SIRT3: variants seen among roughly 807,000 people sequenced by gnomAD.
SIRT3 encodes sirtuin 3.
A neutral mutation model predicts 33.5 loss-of-function variants in SIRT3; 26 were observed. That is an observed-to-expected ratio of 0.78 (90% CI 0.57 to 1.08). The LOEUF is 1.08. SIRT3 is among the 50% of genes least tolerant of loss of function. The probability of loss-of-function intolerance (pLI) is 0.00; values close to 1 mark genes in which losing one functional copy is unlikely to be tolerated. For synonymous variants in SIRT3, 237 were observed against 222.1 expected (o/e 1.07, Z -0.60); for missense variants, 585 against 530.1 (o/e 1.10, Z -1.02).
intron 5 of SIRT3, among the ~76,000 whole-genome samples, chr11:220,096 G>A (rs1856221113): frequency 6.6e-6 from 1 of 151,986 alleles, no homozygotes; most frequent in African/African-American, 2.4e-5. Context: ...TTGGGAGGCC[G>A]AGGCGGGCAG....
chr11:227,486 G>A (rs796160270), intron 4 of SIRT3, among the ~76,000 whole-genome samples: 1 of 151,868 alleles, frequency 6.6e-6, no homozygotes, highest in Non-Finnish European at 1.5e-5. Flanking sequence ...AACAGGCAGA[G>A]AACAGATAGC....
intron 3 of SIRT3, 134 bp downstream of exon 3, chr11:232,849 A>G: frequency 1.3e-6 from 1 of 750,644 alleles, no homozygotes; most frequent in Non-Finnish European, 2.2e-6. Flanking sequence ...CATAAGCGAT[A>G]GGTTTTGGCC....
chr11:230,313 G>T, intron 4 of SIRT3, 139 bp downstream of exon 4: 19 of 405,042 alleles, frequency 4.7e-5, no homozygotes, highest in East Asian at 8.2e-5. Flanking sequence ...AGCATGTATT[G>T]ATTTTCTAAT....
chr11:231,544 A>T (rs142295369), intron 3 of SIRT3, among the ~76,000 whole-genome samples: 159 of 152,382 alleles, frequency 1.0e-3, no homozygotes, highest in African/African-American at 3.7e-3. Context: ...GTAGAAACAG[A>T]CAAAAAGTGA....
intron 3 of SIRT3, 158 bp from the exon 4 acceptor site, chr11:230,710 C>T: frequency 2.4e-6 from 1 of 412,340 alleles, no homozygotes. Context: ...GTATCACCTA[C>T]ATGCGCCATC....
At chr11:226,750 TATTATTA>T (rs775172442) in intron 4 of SIRT3, among the ~76,000 whole-genome samples, 7 of 84,950 alleles carry the variant, frequency 8.2e-5, no homozygotes, top group South Asian at 3.8e-4. Context: ...CTACAATTAT[TATTATTA>T]TTTTTTTTTT....
intron 1 of SIRT3, among the ~76,000 whole-genome samples, chr11:235,760 A>G (rs11246025): frequency 0.16 from 24,623 of 152,210 alleles, 2,398 homozygotes; most frequent in Middle Eastern, 0.22. Flanking sequence ...GGACCTAGCA[A>G]TCCCAGTACT....
At chr11:235,674 C>T (rs965900173) in intron 1 of SIRT3, among the ~76,000 whole-genome samples, 1 of 152,068 alleles carries the variant, frequency 6.6e-6, no homozygotes, top group African/African-American at 2.4e-5. Flanking sequence ...GAGACGGGTA[C>T]GATCACATGC....
In SIRT3 at chr11:216,716, A is replaced by T. The variant is rs1298639374; in HGVS notation, c.1182T>A (p.Leu394=). Reference sequence around the variant, plus strand: ...CATCATCCTATTTGTCTGGTCCATCAAGCTGGAATACAGAAGACAGAGGGT... The same window carrying T: ...CATCATCCTATTTGTCTGGTCCATCTAGCTGGAATACAGAAGACAGAGGGT... ...RDLVQRETGK[L]DGPDK The change falls in exon 7 of 7, where the codon CTT becomes CTA. Residue 394 remains leucine, a splice_region_variant and synonymous_variant. Transcript: ENST00000382743. 1.2e-6 allele frequency: 2 copies of T among 1,614,070 alleles called. No individual in the cohort carries two copies. Among genetic ancestry groups the T allele is most frequent in the South Asian group, 2.2e-5 (2 of 91,034 alleles).
rs1208483751 is a variant in SIRT3 at position 232,977 on chromosome 11, G to T, written c.706+6C>A. 1 of 1,612,348 alleles carries T rather than the reference G, an allele frequency of 6.2e-7. No individual in the cohort carries two copies. The highest frequency in any genetic ancestry group is 1.3e-5 in the African/African-American group (1 of 74,872). Reference sequence around the variant, plus strand: ...AAAGAATGTGTGCGACTCACAGAGGGCTCACCTCTCTCAAGCCCATCGATG... The same window carrying T: ...AAAGAATGTGTGCGACTCACAGAGGTCTCACCTCTCTCAAGCCCATCGATG... On this transcript the variant is annotated splice_donor_region_variant and intron_variant, in intron 3 of 6. Coordinates refer to ENST00000382743, the MANE Select transcript of SIRT3 (RefSeq NM_012239.6).
chr11:233,344 TGAAGTCTG>T lies in SIRT3; in HGVS notation c.464_471del (p.Pro155GlnfsTer24). On this transcript the variant is annotated frameshift_variant and splice_region_variant, in exon 2 of 7. Transcript: ENST00000382743. LOFTEE classifies it high-confidence loss of function. ...GGCAGGTGGGACTGTGGGCAGTACCTGAAGTCTGGAATGCCACTGGGTGTGCTGATGCC... is the reference window on the plus strand; with the variant it reads ...GGCAGGTGGGACTGTGGGCAGTACCTGAATGCCACTGGGTGTGCTGATGCC... 6.2e-7 allele frequency: 1 copy of T among 1,613,366 alleles called. No individual in the cohort carries two copies. The highest frequency in any genetic ancestry group is 8.5e-7 in the Non-Finnish European group (1 of 1,179,612).
intron 4 of SIRT3, among the ~76,000 whole-genome samples, chr11:226,340 G>A (rs557591319): frequency 2.0e-5 from 3 of 152,250 alleles, no homozygotes; most frequent in African/African-American, 7.2e-5. Flanking sequence ...AAGCTTCCAA[G>A]GTTTCTCTGG....
chr11:233,054 AAGT>A lies in SIRT3; in HGVS notation c.632_634del (p.Tyr211del). 2 of 1,614,124 alleles carry A rather than the reference AAGT, an allele frequency of 1.2e-6. No individual in the cohort carries two copies. The highest frequency in any genetic ancestry group is 1.7e-6 in the Non-Finnish European group (2 of 1,180,016). On this transcript the variant is annotated inframe_deletion, in exon 3 of 7. Transcript: ENST00000382743. Reference sequence around the variant, plus strand: ...CCCCTTGTCATGAAGCAGCCGGAGAAAGTAGTGAGTGACGTTGGGCTTGTAGTT... The same window carrying A: ...CCCCTTGTCATGAAGCAGCCGGAGAAAGTGAGTGACGTTGGGCTTGTAGTT...
upstream of SIRT3, chr11:236,778 T>C: frequency 3.8e-6 from 2 of 529,734 alleles, no homozygotes; most frequent in Non-Finnish European, 3.4e-6. Context: ...AGCTAGTCCG[T>C]AGCGGGTTCG....
intron 4 of SIRT3, among the ~76,000 whole-genome samples, chr11:228,834 C>G (rs7930599): frequency 0.16 from 23,769 of 152,128 alleles, 2,352 homozygotes; most frequent in Middle Eastern, 0.22. Flanking sequence ...CAAATCATGT[C>G]TCTGATAAGG....
Position 233,402 on chromosome 11 carries a change from C to A in SIRT3, c.414G>T (p.Gln138His). 6.2e-7 allele frequency: 1 copy of A among 1,614,132 alleles called. No individual in the cohort carries two copies. The highest frequency in any genetic ancestry group is 8.5e-7 in the Non-Finnish European group (1 of 1,180,014). Reference sequence around the variant, plus strand: ...CGGCCCCCACCATGACCACCACCCTCTGGCAGGCTCTGGCCCGAATCAGCT... The same window carrying A: ...CGGCCCCCACCATGACCACCACCCTATGGCAGGCTCTGGCCCGAATCAGCT... Reference protein sequence around the residue: ...VAELIRARACQRVVVMVGAGI... With the variant: ...VAELIRARACHRVVVMVGAGI... Residue 138 changes from glutamine to histidine, a missense_variant, in exon 2 of 7, where the codon CAG becomes CAT. Coordinates refer to ENST00000382743, the MANE Select transcript of SIRT3 (RefSeq NM_012239.6).
At chr11:230,161 C>T (rs1393481888) in intron 4 of SIRT3, among the ~76,000 whole-genome samples, 1 of 146,026 alleles carries the variant, frequency 6.8e-6, no homozygotes, top group Non-Finnish European at 1.5e-5. Context: ...TGCAGTGAGC[C>T]GAGATCGCCC....
chr11:233,019 GCAGAAGCAGCCC>G lies in SIRT3; in HGVS notation c.658_669del (p.Gly220_Leu223del). 6.2e-7 allele frequency: 1 copy of G among 1,613,702 alleles called. No individual in the cohort carries two copies. The highest frequency in any genetic ancestry group is 8.5e-7 in the Non-Finnish European group (1 of 1,179,820). On this transcript the variant is annotated inframe_deletion, in exon 3 of 7. Coordinates refer to ENST00000382743, the MANE Select transcript of SIRT3 (RefSeq NM_012239.6). Reference sequence around the variant, plus strand: ...CCATCGATGTTCTGCGTGTAGAGCCGCAGAAGCAGCCCCTTGTCATGAAGCAGCCGGAGAAAG... The same window carrying G: ...CCATCGATGTTCTGCGTGTAGAGCCGCTTGTCATGAAGCAGCCGGAGAAAG...
intron 4 of SIRT3, among the ~76,000 whole-genome samples, chr11:228,385 A>G (rs1857451069): frequency 6.6e-6 from 1 of 152,242 alleles, no homozygotes; most frequent in Non-Finnish European, 1.5e-5. Flanking sequence ...AAAACTTACT[A>G]CAAAGCTACA....
Sources: allele counts gnomAD v4.1 joint callset (sites outside exome capture counted in the v4.1 genomes callset), GRCh38; gene constraint gnomAD v4.1.1; transcripts MANE v1.5; gene names NCBI Gene and HGNC (gene_info 2026-07-23, HGNC 2026-07-21).